Variants in STARD13 observed in about 807,000 individuals in gnomAD.
STARD13 encodes StAR related lipid transfer domain containing 13, also known as stAR-related lipid transfer protein 13.
A neutral mutation model predicts 106.4 loss-of-function variants in STARD13; 62 were observed. The observed-to-expected ratio is 0.58, with a 90% CI of 0.48 to 0.72. The LOEUF is 0.72. STARD13 is among the 30% of genes least tolerant of loss of function. The pLI, the probability that STARD13 is intolerant of heterozygous loss-of-function variation, is 0.00. For missense variants in STARD13, 1,387 were observed against 1,424.0 expected (o/e 0.97, Z 0.42); for synonymous variants, 565 against 553.0 (o/e 1.02, Z -0.31).
Position 33,208,969 on chromosome 13 carries a change from CG to C in STARD13, c.170-41348del, listed in dbSNP as rs1352290841. 3.9e-5 allele frequency among the ~76,000 whole-genome samples: 6 copies of C among 152,236 alleles called. No homozygotes were observed. The East Asian group carries it at 9.6e-4, about 24-fold the overall frequency. The stretch of plus-strand genomic sequence containing the variant: ...CCACATAGTGAAATACTTTTGCAGC[CG>C]TTTAAAATACACACACAGCTACAAG... On this transcript the variant is annotated intron_variant, in intron 1 of 13. Coordinates refer to ENST00000336934, the MANE Select transcript of STARD13 (RefSeq NM_178006.4).
At chr13:33,157,209 C>A (rs111613602) in intron 3 of STARD13, among the ~76,000 whole-genome samples, 2 of 152,192 alleles carry the variant, frequency 1.3e-5, no homozygotes, top group African/African-American at 4.8e-5. Context: ...ATTTATTATC[C>A]TTTTAAATAC....
At chr13:33,665,045 G>A in the STARD13 span, among the ~76,000 whole-genome samples, 1 of 152,232 alleles carries the variant, frequency 6.6e-6, no homozygotes. Flanking sequence ...GAACGAAGGA[G>A]GGACAGAGGA....
chr13:33,359,544 A>C, the STARD13 span: 2 of 164,574 alleles, frequency 1.2e-5, no homozygotes, highest in East Asian at 3.6e-4. Flanking sequence ...GTACACCTGT[A>C]ATCCCAGCTA....
rs776662168 is a variant in STARD13, at chr13:33,110,925, T to C, written c.2608-18A>G. On this transcript the variant is annotated intron_variant, in intron 10 of 13. Coordinates refer to ENST00000336934, the MANE Select transcript of STARD13 (RefSeq NM_178006.4). Reference sequence around the variant, plus strand: ...TGTGGAACCTAGACCAACGGATGCATGAAAGGGCAACACACTGAGCCAAAG... The same window carrying C: ...TGTGGAACCTAGACCAACGGATGCACGAAAGGGCAACACACTGAGCCAAAG... 1.2e-5 allele frequency: 19 copies of C among 1,602,480 alleles called. No individual in the cohort carries two copies. The highest frequency in any genetic ancestry group is 2.2e-4 in the Middle Eastern group (1 of 4,634).
chr13:33,563,382 C>T, the STARD13 span, among the ~76,000 whole-genome samples: 1 of 146,766 alleles, frequency 6.8e-6, no homozygotes, highest in African/African-American at 2.5e-5. Context: ...AAAACAGATA[C>T]ATAGACCAAT....
intron 1 of STARD13, among the ~76,000 whole-genome samples, chr13:33,245,244 G>A (rs185210294): frequency 1.7e-4 from 26 of 152,290 alleles, no homozygotes; most frequent in Admixed American, 1.6e-3. Flanking sequence ...CTCACTTGCT[G>A]GCAAACTGAG....
At chr13:33,148,887 G>A (rs1161939175) in intron 3 of STARD13, among the ~76,000 whole-genome samples, 1 of 152,144 alleles carries the variant, frequency 6.6e-6, no homozygotes, top group African/African-American at 2.4e-5. Flanking sequence ...GTAAAAAGAG[G>A]TGAGCTATCA....
At chr13:33,183,554 T>C (rs1352091864) in intron 1 of STARD13, among the ~76,000 whole-genome samples, 1 of 152,242 alleles carries the variant, frequency 6.6e-6, no homozygotes, top group Non-Finnish European at 1.5e-5. Context: ...AGTCTGATGC[T>C]ACTATTGCTG....
chr13:33,364,721 G>C, the STARD13 span, among the ~76,000 whole-genome samples: 16 of 152,212 alleles, frequency 1.1e-4, 1 homozygote, highest in South Asian at 3.3e-3. Context: ...AACCCCGTCT[G>C]TACTAAAAAT....
At chr13:33,351,293 A>C (rs2078077002), upstream of STARD13, among the ~76,000 whole-genome samples, 2 of 152,246 alleles carry the variant, frequency 1.3e-5, no homozygotes, top group South Asian at 4.1e-4. Flanking sequence ...ATCTGTATGC[A>C]GTGAAAGAAG....
chr13:33,200,958 G>A lies in STARD13; in HGVS notation c.170-33336C>T, dbSNP rs1400811655. Among the ~76,000 whole-genome samples, 6 of 151,920 alleles carry A rather than the reference G, an allele frequency of 3.9e-5. No homozygotes were observed. In the East Asian group the frequency reaches 7.7e-4, roughly 20 times the overall value. On this transcript the variant is annotated intron_variant, in intron 1 of 13. Coordinates refer to ENST00000336934, the MANE Select transcript of STARD13 (RefSeq NM_178006.4). ...GGAGAATGGCGTGAACCCAGGAGGC[G>A]GAGCTTGCAGTGAGCCGAGATTGTG...
the STARD13 span, among the ~76,000 whole-genome samples, chr13:33,497,206 C>A: frequency 1.3e-5 from 2 of 152,092 alleles, no homozygotes; most frequent in Non-Finnish European, 2.9e-5. Context: ...ATCTGCTGGG[C>A]TCCTCCATGT....
At chr13:33,661,556 C>T in the STARD13 span, among the ~76,000 whole-genome samples, 21 of 152,226 alleles carry the variant, frequency 1.4e-4, no homozygotes, top group Admixed American at 8.5e-4. Context: ...TCCGCATGGC[C>T]GGGGAGGCCT....
chr13:33,621,014 T>TGTTTATATTA, the STARD13 span, among the ~76,000 whole-genome samples: 2 of 151,934 alleles, frequency 1.3e-5, no homozygotes, highest in African/African-American at 4.8e-5. Context: ...AAAGTTATAA[T>TGTTTATATTA]ATTAAATGTT....
At chr13:33,203,331 C>G (rs1887184970) in intron 1 of STARD13, among the ~76,000 whole-genome samples, 1 of 152,222 alleles carries the variant, frequency 6.6e-6, no homozygotes, top group Non-Finnish European at 1.5e-5. Flanking sequence ...ACACAGTAAT[C>G]ACTCCTATCT....
the STARD13 span, among the ~76,000 whole-genome samples, chr13:33,539,373 CCAG>C: frequency 6.6e-6 from 1 of 152,114 alleles, no homozygotes; most frequent in Non-Finnish European, 1.5e-5. Flanking sequence ...ATTCAAAATC[CCAG>C]CAGATGTTTT....
chr13:33,221,556 C>T (rs1035188054), intron 1 of STARD13, among the ~76,000 whole-genome samples: 4 of 152,140 alleles, frequency 2.6e-5, no homozygotes, highest in African/African-American at 4.8e-5. Flanking sequence ...TGAGTGGATC[C>T]CTCCTCCTGT....
At chr13:33,294,960 C>T (rs182423514) in intron 1 of STARD13, among the ~76,000 whole-genome samples, 5 of 152,238 alleles carry the variant, frequency 3.3e-5, no homozygotes, top group East Asian at 1.9e-4. Context: ...ACCATTATTA[C>T]GATTGTCTGC....
the STARD13 span, among the ~76,000 whole-genome samples, chr13:33,454,438 C>A: frequency 6.6e-6 from 1 of 152,198 alleles, no homozygotes; most frequent in Non-Finnish European, 1.5e-5. Context: ...TTCGTATCTA[C>A]TCTTGGAAGA....
Sources: gnomAD v4.1 joint callset for allele counts (sites outside exome capture counted in the v4.1 genomes callset) on GRCh38, gnomAD v4.1.1 for gene constraint, MANE v1.5 for transcripts, NCBI Gene and HGNC (gene_info 2026-07-23, HGNC 2026-07-21) for gene names.